Variants in TACC1 observed in about 807,000 individuals in gnomAD.
The protein encoded by TACC1 is transforming acidic coiled-coil containing protein 1, also known as transforming acidic coiled-coil-containing protein 1.
A neutral mutation model predicts 84.4 loss-of-function variants in TACC1; 48 were observed. The ratio of observed to expected loss-of-function variants is 0.57; its 90% CI spans 0.45 to 0.72. The LOEUF is 0.72. Among genes scored for constraint, TACC1 ranks in the 30% least tolerant of loss-of-function variants. The pLI is 0.00. For missense variants in TACC1, 920 were observed against 973.0 expected (o/e 0.95, Z 0.72); for synonymous variants, 372 against 376.3 (o/e 0.99, Z 0.13).
intron 4 of TACC1, among the ~76,000 whole-genome samples, chr8:38,826,612 T>G (rs1828119085): frequency 6.6e-6 from 1 of 152,168 alleles, no homozygotes; most frequent in Admixed American, 6.5e-5. Context: ...GATAGTTTCT[T>G]GATGGAAGTG....
At chr8:38,745,545 TTTTG>T (rs1248415490) in intron 3 of TACC1, 1 of 671,376 alleles carries the variant, frequency 1.5e-6, no homozygotes, top group Non-Finnish European at 2.7e-6. Context: ...GTTTGTTTGT[TTTTG>T]TTTTTGTTTT....
upstream of TACC1, among the ~76,000 whole-genome samples, chr8:38,786,542 T>A (rs1427433285): frequency 1.3e-5 from 2 of 152,126 alleles, no homozygotes; most frequent in Non-Finnish European, 2.9e-5. Flanking sequence ...GTCTGTATTT[T>A]AAATAAATAA....
chr8:38,824,164 C>T, intron 3 of TACC1: 8 of 656,166 alleles, frequency 1.2e-5, no homozygotes, highest in South Asian at 2.9e-5. Context: ...TTTCATCAGT[C>T]ACTTCATGAG....
At chr8:38,788,117 G>A (rs1023633135) in intron 1 of TACC1, 1 of 216,850 alleles carries the variant, frequency 4.6e-6, no homozygotes, top group Non-Finnish European at 9.1e-6. Flanking sequence ...GTCGCTCCCC[G>A]GCCCTTCCCG....
Position 38,798,606 on chromosome 8 carries a change from C to CGTGTGTGTGTGTGTGTGT in TACC1, c.277+9804_277+9821dup, listed in dbSNP as rs10631964. Among the ~76,000 whole-genome samples, 70 of 143,500 alleles carry CGTGTGTGTGTGTGTGTGT rather than the reference C, an allele frequency of 4.9e-4. 1 individual carries two copies. Among genetic ancestry groups the CGTGTGTGTGTGTGTGTGT allele is most frequent in the East Asian group, 3.1e-3 (15 of 4,832 alleles). 94.1% of individuals were successfully genotyped at this position (143,500 alleles called of 152,430 possible). A position where few individuals can be genotyped will look rare whatever the true frequency, so the allele number is the denominator to read the frequency against. ...CAGGTAGTTTGTTGTCTGGGTTCTGCGTGTGTGTGTGTGTGTGTGTGTGTG... is the reference window on the plus strand; with the variant it reads ...CAGGTAGTTTGTTGTCTGGGTTCTGCGTGTGTGTGTGTGTGTGTGTGTGTGTGTGTGTGTGTGTGTGTG... On this transcript the variant is annotated intron_variant, in intron 2 of 12. Transcript: ENST00000317827.
chr8:38,791,777 G>A (rs576521040), intron 2 of TACC1, among the ~76,000 whole-genome samples: 1 of 152,310 alleles, frequency 6.6e-6, no homozygotes, highest in African/African-American at 2.4e-5. Flanking sequence ...CGAGGAGTTA[G>A]TCAGGAGTTG....
intron 11 of TACC1, among the ~76,000 whole-genome samples, chr8:38,845,886 A>G (rs997967772): frequency 7.2e-5 from 11 of 152,254 alleles, no homozygotes; most frequent in African/African-American, 2.4e-4. Flanking sequence ...TGCCAATTCA[A>G]TCAATTTTCA....
chr8:38,810,129 T>C (rs909032369), intron 2 of TACC1, among the ~76,000 whole-genome samples: 6 of 152,204 alleles, frequency 3.9e-5, no homozygotes, highest in Non-Finnish European at 8.8e-5. Context: ...TTTTTCATTT[T>C]GTTACTTAGG....
intron 3 of TACC1, among the ~76,000 whole-genome samples, chr8:38,773,800 C>A (rs993277595): frequency 3.9e-5 from 6 of 151,984 alleles, no homozygotes; most frequent in African/African-American, 1.4e-4. Flanking sequence ...AATAGAAAAA[C>A]ATAAATATTT....
In TACC1 at chr8:38,787,345, C is replaced by T. The variant is rs920876471; in HGVS notation, c.-238C>T. On this transcript the variant is annotated 5_prime_UTR_variant, in exon 1 of 13. Transcript: ENST00000317827. ...CGTCTTCCCGGCTAGTGGAGCCCGG[C>T]GCGGGGCCCGCTGCGGCCGCACCGT... The T allele has an allele frequency of 1.5e-6, 2 of 1,300,054 alleles. No individual in the cohort carries two copies. Among genetic ancestry groups the T allele is most frequent in the South Asian group, 2.1e-5 (1 of 46,988 alleles). The allele number at this position is 1,300,054 out of a possible 1,614,324, so 80.5% of individuals were successfully genotyped here.
intron 1 of TACC1, among the ~76,000 whole-genome samples, chr8:38,734,594 A>G (rs1805599915): frequency 6.6e-6 from 1 of 152,234 alleles, no homozygotes; most frequent in Non-Finnish European, 1.5e-5. Context: ...CCAAGGTAGC[A>G]GGGAGGGCTT....
intron 4 of TACC1, among the ~76,000 whole-genome samples, chr8:38,825,735 A>G (rs1458622212): frequency 6.6e-6 from 1 of 152,224 alleles, no homozygotes; most frequent in Non-Finnish European, 1.5e-5. Flanking sequence ...ATGGTTTTCT[A>G]ATTCATTGCT....
chr8:38,768,377 T>C (rs558863961), intron 3 of TACC1, among the ~76,000 whole-genome samples: 2 of 152,300 alleles, frequency 1.3e-5, no homozygotes, highest in South Asian at 2.1e-4. Context: ...AGGGGACTCA[T>C]TGTGACTTTT....
intron 3 of TACC1, among the ~76,000 whole-genome samples, chr8:38,767,626 G>C (rs1348625590): frequency 6.6e-6 from 1 of 152,224 alleles, no homozygotes; most frequent in African/African-American, 2.4e-5. Flanking sequence ...CTCCCACCAG[G>C]GGATGCCAGC....
chr8:38,848,603 T>C lies in TACC1; in HGVS notation c.*580T>C, dbSNP rs1832706997. On this transcript the variant is annotated 3_prime_UTR_variant, in exon 13 of 13. Coordinates refer to ENST00000317827, the MANE Select transcript of TACC1 (RefSeq NM_006283.3). Reference sequence around the variant, plus strand: ...TGAAGCATAGTCAAGTAAGAACTGCTCTACAGAAGGACATATTTCCTTGGA... The same window carrying C: ...TGAAGCATAGTCAAGTAAGAACTGCCCTACAGAAGGACATATTTCCTTGGA... The C allele has an allele frequency of 6.5e-6, 1 of 152,676 alleles. No individual in the cohort carries two copies. The highest frequency in any genetic ancestry group is 1.5e-5 in the Non-Finnish European group (1 of 68,060). 9.5% of individuals were successfully genotyped at this position (152,676 alleles called of 1,614,324 possible).
chr8:38,742,403 T>C (rs1223986238), exon 2 of TACC1: 3 of 1,517,496 alleles, frequency 2.0e-6, no homozygotes, highest in East Asian at 4.9e-5. Context: ...GCTGGCATGT[T>C]TACTCTTCCA....
At chr8:38,730,719 AC>A (rs1804759530) in intron 1 of TACC1, among the ~76,000 whole-genome samples, 1 of 152,198 alleles carries the variant, frequency 6.6e-6, no homozygotes, top group Non-Finnish European at 1.5e-5. Context: ...AGTAAGAAGG[AC>A]ATTGTTGTGA....
chr8:38,843,590 G>T, intron 11 of TACC1, 195 bp downstream of exon 11: 1 of 350,682 alleles, frequency 2.9e-6, no homozygotes, highest in South Asian at 8.5e-5. Context: ...CCTTCCACTG[G>T]GTTCCCATCT....
At chr8:38,836,417 T>G in intron 7 of TACC1, 130 bp downstream of exon 7, 1 of 1,345,300 alleles carries the variant, frequency 7.4e-7, no homozygotes, top group East Asian at 2.5e-5. Flanking sequence ...GCAGCTTGTT[T>G]AGGTCGTAAA....
Sources: gnomAD v4.1 joint callset for allele counts (sites outside exome capture counted in the v4.1 genomes callset) on GRCh38, gnomAD v4.1.1 for gene constraint, MANE v1.5 for transcripts, NCBI Gene and HGNC (gene_info 2026-07-23, HGNC 2026-07-21) for gene names.